The following HK2 variants were observed in gnomAD, a reference collection of about 807,000 sequenced individuals.
The protein encoded by HK2 is hexokinase-2.
A neutral mutation model predicts 92.9 loss-of-function variants in HK2; 42 were observed. The ratio of observed to expected loss-of-function variants is 0.45; its 90% CI spans 0.35 to 0.58. The LOEUF (loss-of-function observed/expected upper bound fraction) is 0.58. HK2 is among the 20% of genes least tolerant of loss of function. The probability of loss-of-function intolerance (pLI) is 0.00; values close to 1 mark genes in which losing one functional copy is unlikely to be tolerated. For missense variants in HK2, 978 were observed against 1,245.1 expected (o/e 0.79, Z 3.23); for synonymous variants, 422 against 468.0 (o/e 0.90, Z 1.27).
Position 74,889,380 on chromosome 2 carries a change from C to T in HK2, c.2511C>T (p.Gly837=). The change falls in exon 17 of 18, where the codon GGC becomes GGT. Residue 837 remains glycine (G), a synonymous_variant. Coordinates refer to ENST00000290573, the MANE Select transcript of HK2 (RefSeq NM_000189.5). ...ARRAAQLCGA[G]MAAVVDRIRE... is the part of the protein sequence containing the mutation. ...GGGCAGCCCAGCTCTGTGGCGCAGG[C>T]ATGGCCGCTGTGGTGGACAGGATAC... is the stretch of plus-strand genomic sequence containing the variant. The T allele has an allele frequency of 6.2e-7, 1 of 1,614,210 alleles. No individual in the cohort carries two copies. Among genetic ancestry groups the T allele is most frequent in the South Asian group, 1.1e-5 (1 of 91,080 alleles).
intron 8 of HK2, among the ~76,000 whole-genome samples, chr2:74,877,718 G>C (rs1689269028): frequency 6.6e-6 from 1 of 152,186 alleles, no homozygotes; most frequent in Non-Finnish European, 1.5e-5. Context: ...CATGACCCCT[G>C]CTTCATAATA....
At position 74,877,159 on chromosome 2, in the gene HK2, C is replaced by A. The variant is rs767044426; in HGVS notation, c.876-7C>A. The stretch of plus-strand genomic sequence containing the variant: ...ACTTTATGTTTTTGGTTTGTGTCTT[C>A]CGGCAGGTTTGAGAAGATGATCAGT... On this transcript the variant is annotated splice_polypyrimidine_tract_variant and splice_region_variant and intron_variant, in intron 7 of 17. Coordinates refer to ENST00000290573, the MANE Select transcript of HK2 (RefSeq NM_000189.5). 1 of 1,613,666 alleles carries A rather than the reference C, an allele frequency of 6.2e-7. No homozygotes were observed. The highest frequency in any genetic ancestry group is 8.5e-7 in the Non-Finnish European group (1 of 1,180,026).
Position 74,834,183 on chromosome 2 carries a change from G to A in HK2, c.-398G>A, listed in dbSNP as rs924274171. On this transcript the variant is annotated 5_prime_UTR_variant, in exon 1 of 18. Transcript: ENST00000290573. This position sits in a 1 kb window ranked among gnomAD's most constrained non-coding sequence, Gnocchi z 4.2. ...CCCGGGCTGCCGCTGGCAACATCGT[G>A]TCACCCAGCTAAGAAAATCCGCGGG... 8.4e-6 allele frequency: 3 copies of A among 358,522 alleles called. No individual in the cohort carries two copies. The highest frequency in any genetic ancestry group is 1.6e-5 in the Non-Finnish European group (3 of 183,760). The allele number at this position is 358,522 out of a possible 1,614,324, so 22.2% of individuals were successfully genotyped here.
intron 1 of HK2, among the ~76,000 whole-genome samples, chr2:74,851,093 G>A (rs1298246472): frequency 6.6e-6 from 1 of 152,178 alleles, no homozygotes; most frequent in Admixed American, 6.5e-5. Context: ...GAAACCACAG[G>A]GCAGGCTGGG....
intron 9 of HK2, among the ~76,000 whole-genome samples, chr2:74,879,851 T>G (rs1208395691): frequency 6.6e-6 from 1 of 152,148 alleles, no homozygotes; most frequent in African/African-American, 2.4e-5. Flanking sequence ...AGACAGCAGC[T>G]AGTGAAATGA....
In HK2 at chr2:74,880,573, C is replaced by G. The variant is rs770393837; in HGVS notation, c.1570+4C>G. ...TGTGCTACCCCGGACGGCACAGGTACACGGCAGGGTTGCCACCTGGCTCAC... is the reference window on the plus strand; with the variant it reads ...TGTGCTACCCCGGACGGCACAGGTAGACGGCAGGGTTGCCACCTGGCTCAC... On this transcript the variant is annotated splice_donor_region_variant and intron_variant, in intron 10 of 17. Transcript: ENST00000290573. 1.9e-6 allele frequency: 3 copies of G among 1,612,772 alleles called. No individual in the cohort carries two copies. In the Admixed American group the frequency reaches 5.0e-5, roughly 27 times the overall value.
chr2:74,889,168 G>A lies in HK2; in HGVS notation c.2376-77G>A, dbSNP rs1689609925. 6.6e-6 allele frequency: 8 copies of A among 1,205,322 alleles called. No individual in the cohort carries two copies. In the South Asian group the frequency reaches 1.0e-4, roughly 16 times the overall value. The allele number at this position is 1,205,322 out of a possible 1,614,324, so 74.7% of individuals were successfully genotyped here. ...ACCCCCACAGAGCCTCCCCTGTAAG[G>A]ACTCAGGCCCTGGTGTGGTAGGCTA... On this transcript the variant is annotated intron_variant, in intron 16 of 17. Transcript: ENST00000290573.
Position 74,880,292 on chromosome 2 carries a change from G to A in HK2, c.1293G>A (p.Val431=). ...PHFAKRLHKT[V]RRLVPGCDVR... ...TTGCCAAGCGTCTACATAAGACCGT[G>A]CGGCGGCTGGTGCCCGGCTGCGATG... The change falls in exon 10 of 18, where the codon GTG becomes GTA. Residue 431 remains valine, a synonymous_variant. Coordinates refer to ENST00000290573, the MANE Select transcript of HK2 (RefSeq NM_000189.5). The A allele has an allele frequency of 6.2e-7, 1 of 1,614,174 alleles. No individual in the cohort carries two copies. The highest frequency in any genetic ancestry group is 1.7e-4 in the Middle Eastern group (1 of 6,056).
At chr2:74,873,802 C>T in intron 5 of HK2, 42 bp from the exon 6 acceptor site, 2 of 1,409,932 alleles carry the variant, frequency 1.4e-6, no homozygotes, top group Non-Finnish European at 2.0e-6. Flanking sequence ...AAGTCGCCCT[C>T]TGTGATGATG....
intron 1 of HK2, among the ~76,000 whole-genome samples, chr2:74,845,167 A>C (rs947366836): frequency 3.3e-5 from 5 of 152,224 alleles, no homozygotes; most frequent in Non-Finnish European, 5.9e-5. Context: ...ATTAATGTAA[A>C]GGAAACTGCC....
intron 13 of HK2, 49 bp from the exon 14 acceptor site, chr2:74,886,245 G>A: frequency 7.6e-7 from 1 of 1,315,630 alleles, no homozygotes; most frequent in Non-Finnish European, 1.1e-6. Flanking sequence ...TCTGAAAGGA[G>A]AATATTGGGG....
chr2:74,885,396 G>A (rs1281518714), intron 12 of HK2, 98 bp from the exon 13 acceptor site: 1 of 810,908 alleles, frequency 1.2e-6, no homozygotes, highest in Non-Finnish European at 2.2e-6. Flanking sequence ...GGATCCGTCT[G>A]ACCTGTGAGG....
intron 7 of HK2, among the ~76,000 whole-genome samples, chr2:74,875,779 C>T (rs1458971178): frequency 1.3e-5 from 2 of 152,196 alleles, no homozygotes; most frequent in East Asian, 3.9e-4. Context: ...TGAAAAGTCA[C>T]TCAGTGCCTG....
At chr2:74,847,696 C>G (rs1688474619) in intron 1 of HK2, among the ~76,000 whole-genome samples, 1 of 147,352 alleles carries the variant, frequency 6.8e-6, no homozygotes, top group Admixed American at 7.3e-5. Context: ...CCGAGCAAGA[C>G]TCTGTCTCTA....
intron 8 of HK2, among the ~76,000 whole-genome samples, chr2:74,878,434 T>C (rs572242785): frequency 6.8e-6 from 1 of 146,482 alleles, no homozygotes; most frequent in East Asian, 2.0e-4. Flanking sequence ...TGTGTGTGTG[T>C]GTGTGCGCAC....
intron 3 of HK2, among the ~76,000 whole-genome samples, chr2:74,869,939 C>A (rs1345467542): frequency 1.3e-5 from 2 of 152,072 alleles, no homozygotes; most frequent in Non-Finnish European, 2.9e-5. Flanking sequence ...GGCATCGAGC[C>A]CTTGAAGTGT....
intron 2 of HK2, among the ~76,000 whole-genome samples, chr2:74,858,389 A>G (rs1234271810): frequency 1.3e-5 from 2 of 152,216 alleles, no homozygotes; most frequent in African/African-American, 2.4e-5. Context: ...AATCAGAATT[A>G]TAGGTTCAAA....
At chr2:74,860,243 T>C (rs1390333879) in intron 2 of HK2, among the ~76,000 whole-genome samples, 5 of 151,880 alleles carry the variant, frequency 3.3e-5, no homozygotes, top group Non-Finnish European at 5.9e-5. Flanking sequence ...ACTTAACGGA[T>C]GTAGTGGGTG....
At chr2:74,844,197 C>G (rs1283406204) in intron 1 of HK2, among the ~76,000 whole-genome samples, 2 of 150,534 alleles carry the variant, frequency 1.3e-5, no homozygotes, top group Non-Finnish European at 3.0e-5. Flanking sequence ...CTAAACAAAC[C>G]CTTCATTTTA....
Sources: allele counts gnomAD v4.1 joint callset (sites outside exome capture counted in the v4.1 genomes callset), GRCh38; gene constraint gnomAD v4.1.1; non-coding constraint Gnocchi (gnomAD v3.1); transcripts MANE v1.5; gene names NCBI Gene and HGNC (gene_info 2026-07-23, HGNC 2026-07-21).